POFUT3: variants seen among roughly 807,000 people sequenced by gnomAD.
POFUT3 encodes GDP-fucose protein O-fucosyltransferase 3.
the POFUT3 span, among the ~76,000 whole-genome samples, chr8:33,318,271 T>C: frequency 6.6e-6 from 1 of 151,478 alleles, no homozygotes; most frequent in African/African-American, 2.4e-5. Flanking sequence ...TCACTTAACC[T>C]AAAAAGGAAA....
chr8:33,442,164 A>T, the POFUT3 span, among the ~76,000 whole-genome samples: 13 of 151,622 alleles, frequency 8.6e-5, no homozygotes, highest in Non-Finnish European at 1.3e-4. Context: ...GATGGGTTTC[A>T]CCATTTTGGC....
the POFUT3 span, among the ~76,000 whole-genome samples, chr8:33,399,610 A>C: frequency 6.6e-6 from 1 of 152,216 alleles, no homozygotes; most frequent in Non-Finnish European, 1.5e-5. Context: ...ATCTGATGAT[A>C]ACAACCAAGA....
the POFUT3 span, among the ~76,000 whole-genome samples, chr8:33,321,008 A>G: frequency 6.6e-6 from 1 of 152,052 alleles, no homozygotes; most frequent in Admixed American, 6.6e-5. Flanking sequence ...CACCATCAAT[A>G]TTCATAAGAC....
chr8:33,438,889 C>T, the POFUT3 span, among the ~76,000 whole-genome samples: 30 of 152,224 alleles, frequency 2.0e-4, no homozygotes, highest in East Asian at 1.9e-4. Context: ...TGGGGGAAAC[C>T]GCTCCTATGA....
chr8:33,466,482 T>G, the POFUT3 span, among the ~76,000 whole-genome samples: 3 of 143,640 alleles, frequency 2.1e-5, no homozygotes, highest in East Asian at 2.1e-4. Context: ...GAAGGGAAAA[T>G]GGAAGGAGAG....
At chr8:33,425,357 T>A in the POFUT3 span, among the ~76,000 whole-genome samples, 84 of 152,024 alleles carry the variant, frequency 5.5e-4, 2 homozygotes, top group African/African-American at 9.6e-4. Context: ...AATTAAAAAA[T>A]TTTTTAAATA....
chr8:33,439,359 T>C, the POFUT3 span, among the ~76,000 whole-genome samples: 1 of 151,016 alleles, frequency 6.6e-6, no homozygotes, highest in Non-Finnish European at 1.5e-5. Context: ...GCCGAGATCA[T>C]GCCAATGCAC....
the POFUT3 span, chr8:33,436,848 G>C: frequency 2.4e-6 from 1 of 412,780 alleles, no homozygotes; most frequent in Non-Finnish European, 4.4e-6. Flanking sequence ...TTTAGGGTAT[G>C]AATGATCTCG....
the POFUT3 span, among the ~76,000 whole-genome samples, chr8:33,314,914 G>C: frequency 2.0e-5 from 3 of 152,178 alleles, no homozygotes; most frequent in Admixed American, 6.6e-5. Context: ...TATTGAAAAT[G>C]CACATTGAGT....
the POFUT3 span, among the ~76,000 whole-genome samples, chr8:33,339,215 G>A: frequency 6.6e-6 from 1 of 152,002 alleles, no homozygotes; most frequent in Non-Finnish European, 1.5e-5. Flanking sequence ...GAGATATAAA[G>A]TTTCAAGAAA....
At chr8:33,393,664 T>C in the POFUT3 span, among the ~76,000 whole-genome samples, 1 of 152,230 alleles carries the variant, frequency 6.6e-6, no homozygotes, top group African/African-American at 2.4e-5. Flanking sequence ...ATCACTCATC[T>C]AGAGCTGAAA....
chr8:33,310,049 T>C, the POFUT3 span, among the ~76,000 whole-genome samples: 1 of 152,212 alleles, frequency 6.6e-6, no homozygotes, highest in Non-Finnish European at 1.5e-5. Context: ...AAGGAGTATT[T>C]TCTGAAATGT....
chr8:33,379,864 T>TAAAATATATATATATATATATATATATAA, the POFUT3 span, among the ~76,000 whole-genome samples: 5 of 124,054 alleles, frequency 4.0e-5, no homozygotes, highest in African/African-American at 1.6e-4. Context: ...TATATATATA[T>TAAAATATATATATATATATATATATATAA]AATATATATA....
At chr8:33,427,061 AG>A in the POFUT3 span, among the ~76,000 whole-genome samples, 3 of 152,314 alleles carry the variant, frequency 2.0e-5, no homozygotes, top group East Asian at 5.8e-4. Flanking sequence ...ACAAGCATAC[AG>A]CCCCCTGCAG....
At chr8:33,450,873 C>T in the POFUT3 span, among the ~76,000 whole-genome samples, 1 of 152,000 alleles carries the variant, frequency 6.6e-6, no homozygotes, top group African/African-American at 2.4e-5. Context: ...AAAAAGTCAC[C>T]AAGTTAAAGA....
At chr8:33,335,803 T>C in the POFUT3 span, among the ~76,000 whole-genome samples, 1 of 152,124 alleles carries the variant, frequency 6.6e-6, no homozygotes, top group Non-Finnish European at 1.5e-5. Context: ...AGAGAAAATA[T>C]ATTTACTATT....
chr8:33,376,320 G>T, the POFUT3 span, among the ~76,000 whole-genome samples: 2 of 152,070 alleles, frequency 1.3e-5, no homozygotes, highest in African/African-American at 2.4e-5. Flanking sequence ...AGAAAAACCA[G>T]TTGGAAATAT....
chr8:33,367,512 G>A, the POFUT3 span, among the ~76,000 whole-genome samples: 2 of 132,924 alleles, frequency 1.5e-5, no homozygotes, highest in Admixed American at 1.4e-4. Context: ...TCTGAAGGCT[G>A]TGAGACCCCT....
At chr8:33,326,680 T>C in the POFUT3 span, among the ~76,000 whole-genome samples, 15,359 of 152,234 alleles carry the variant, frequency 0.1, 1,054 homozygotes, top group African/African-American at 0.19. Flanking sequence ...GAAATTCTTT[T>C]AGAGCTTCCT....
Sources: allele counts gnomAD v4.1 joint callset (sites outside exome capture counted in the v4.1 genomes callset), GRCh38; gene constraint gnomAD v4.1.1; transcripts MANE v1.5; gene names NCBI Gene and HGNC (gene_info 2026-07-23, HGNC 2026-07-21).